The following DGKG variants were observed in gnomAD, a reference collection of about 807,000 sequenced individuals.
DGKG encodes diacylglycerol kinase gamma, also known as DAG kinase gamma.
In DGKG, 78 loss-of-function variants were observed where a neutral mutation model predicts 105.3. The observed-to-expected ratio is 0.74, with a 90% CI of 0.62 to 0.89. The LOEUF is 0.89. DGKG is among the 40% of genes least tolerant of loss of function. The pLI, the probability that DGKG is intolerant of heterozygous loss-of-function variation, is 0.00. For synonymous variants in DGKG, 346 were observed against 367.1 expected (o/e 0.94, Z 0.66); for missense variants, 958 against 1,020.1 (o/e 0.94, Z 0.83).
chr3:186,193,909 T>C (rs562077868), intron 21 of DGKG, among the ~76,000 whole-genome samples: 1 of 152,336 alleles, frequency 6.6e-6, no homozygotes, highest in South Asian at 2.1e-4. Flanking sequence ...GAGGCTGCGC[T>C]GGGCGGAACC....
rs113528224 is a variant in DGKG, at chr3:186,231,120, T to C, written c.1826+11384A>G. Among the ~76,000 whole-genome samples, 342 of 152,356 alleles carry C rather than the reference T, an allele frequency of 2.2e-3. 2 individuals are homozygous for C. The highest frequency in any genetic ancestry group is 7.2e-3 in the African/African-American group (298 of 41,588). Reference sequence around the variant, plus strand: ...AAGAGTAAGGAGGTGCAGTCACTATTTCCTGTTGTGAATCCTTCACACACT... The same window carrying C: ...AAGAGTAAGGAGGTGCAGTCACTATCTCCTGTTGTGAATCCTTCACACACT... On this transcript the variant is annotated intron_variant, in intron 20 of 24. Transcript: ENST00000265022. This position sits in a 1 kb window ranked among gnomAD's most constrained non-coding sequence, Gnocchi z 4.5.
intron 20 of DGKG, among the ~76,000 whole-genome samples, chr3:186,225,140 G>A (rs1163295087): frequency 1.3e-5 from 2 of 151,046 alleles, no homozygotes; most frequent in Non-Finnish European, 2.9e-5. Flanking sequence ...CATTGCCCAG[G>A]CTGGAGTGCA....
At position 186,254,289 on chromosome 3, in the gene DGKG, C is replaced by G. The variant is rs558871482; in HGVS notation, c.1511-1107G>C. Among the ~76,000 whole-genome samples the G allele has an allele frequency of 2.0e-4, 30 of 152,298 alleles. No homozygotes were observed. In the East Asian group the frequency reaches 5.0e-3, roughly 25 times the overall value. On this transcript the variant is annotated intron_variant, in intron 17 of 24. Transcript: ENST00000265022. ...GGGTTGTCCTGGCAAACTGGGAGCT[C>G]ATAGGTCCTCCAGGTTGTCTGACCT...
At chr3:186,245,925 A>T (rs1482491455) in intron 19 of DGKG, among the ~76,000 whole-genome samples, 1 of 150,222 alleles carries the variant, frequency 6.7e-6, no homozygotes, top group African/African-American at 2.5e-5. Context: ...CAAAAAAACA[A>T]CAACAACAAA....
At chr3:186,302,945 G>A (rs1007396397) in intron 3 of DGKG, among the ~76,000 whole-genome samples, 6 of 152,154 alleles carry the variant, frequency 3.9e-5, no homozygotes. Flanking sequence ...GAGTCTCAGA[G>A]GGGACTCAGT....
At chr3:186,348,739 C>T (rs545954686) in intron 1 of DGKG, among the ~76,000 whole-genome samples, 11 of 152,220 alleles carry the variant, frequency 7.2e-5, no homozygotes, top group Non-Finnish European at 1.5e-4. Flanking sequence ...GCATGAGCCA[C>T]GGCACCGGTT....
chr3:186,229,381 C>T (rs779953243), intron 20 of DGKG, among the ~76,000 whole-genome samples: 3 of 151,974 alleles, frequency 2.0e-5, no homozygotes, highest in Non-Finnish European at 4.4e-5. Flanking sequence ...GCTGGGATTA[C>T]AGGTGCCCAC....
At chr3:186,316,071 G>T (rs1198979822) in intron 2 of DGKG, among the ~76,000 whole-genome samples, 2 of 152,232 alleles carry the variant, frequency 1.3e-5, no homozygotes, top group African/African-American at 2.4e-5. Flanking sequence ...TTCCATGAAG[G>T]AACACTAAGG....
chr3:186,165,843 C>T (rs1388066862), intron 22 of DGKG, among the ~76,000 whole-genome samples: 4 of 152,198 alleles, frequency 2.6e-5, no homozygotes, highest in Non-Finnish European at 5.9e-5. Context: ...ACTTTTCCAG[C>T]ACAACTTTCA....
Position 186,203,066 on chromosome 3 carries a change from A to G in DGKG, c.1917+8729T>C, listed in dbSNP as rs934772858. ...TTAGTAAGAAATAAAAAAGAGGGTC[A>G]TTTAAGAAAAAGAAAAAGTTTTATG... On this transcript the variant is annotated intron_variant, in intron 21 of 24. Transcript: ENST00000265022. The surrounding 1 kb of genome is among the most constrained non-coding windows in gnomAD (Gnocchi z 4.9). 7.2e-5 allele frequency among the ~76,000 whole-genome samples: 11 copies of G among 152,228 alleles called. No homozygotes were observed. The highest frequency in any genetic ancestry group is 5.2e-4 in the Admixed American group (8 of 15,280).
intron 17 of DGKG, among the ~76,000 whole-genome samples, chr3:186,256,407 A>G (rs1721475077): frequency 6.6e-6 from 1 of 151,996 alleles, no homozygotes; most frequent in African/African-American, 2.4e-5. Context: ...AGCAAATCGT[A>G]TTGCCTTCAC....
In DGKG at chr3:186,196,142, T is replaced by C. The variant is rs1478961644; in HGVS notation, c.1918-7763A>G. On this transcript the variant is annotated intron_variant, in intron 21 of 24. Coordinates refer to ENST00000265022, the MANE Select transcript of DGKG (RefSeq NM_001346.3). ...ATCTCTCTCTCTTTTTCTTTCTTTT[T>C]TTTTTTTTTTTTTAAGACTGAGTCT... Among the ~76,000 whole-genome samples, 107 of 150,496 alleles carry C rather than the reference T, an allele frequency of 7.1e-4. No individual in the cohort carries two copies. The South Asian group carries it at 8.0e-3, about 11-fold the overall frequency.
At chr3:186,313,519 G>A in intron 2 of DGKG, 1 of 985,336 alleles carries the variant, frequency 1.0e-6, no homozygotes, top group Non-Finnish European at 1.2e-6. Flanking sequence ...TTCAAGTGAA[G>A]GTGGAGGAAT....
At chr3:186,348,745 C>T (rs1036147131) in intron 1 of DGKG, among the ~76,000 whole-genome samples, 1 of 152,104 alleles carries the variant, frequency 6.6e-6, no homozygotes, top group Non-Finnish European at 1.5e-5. Flanking sequence ...GCCACGGCAC[C>T]GGTTGGTTCA....
At chr3:186,334,405 T>C (rs937459049) in intron 1 of DGKG, among the ~76,000 whole-genome samples, 2 of 152,210 alleles carry the variant, frequency 1.3e-5, no homozygotes, top group African/African-American at 2.4e-5. Flanking sequence ...GGGCTGAGTT[T>C]ATGGAAGGCT....
chr3:186,152,959 G>T, intron 24 of DGKG, among the ~76,000 whole-genome samples: 1 of 112,756 alleles, frequency 8.9e-6, no homozygotes, highest in Non-Finnish European at 1.8e-5. Flanking sequence ...GCCGCGCCCG[G>T]CCTTTTTTTT....
chr3:186,208,106 A>G (rs544701684), intron 21 of DGKG, among the ~76,000 whole-genome samples: 253 of 151,852 alleles, frequency 1.7e-3, no homozygotes, highest in African/African-American at 5.7e-3. Context: ...CAGTGGTGCA[A>G]TCTTGGCCCA....
At chr3:186,158,880 C>T in intron 24 of DGKG, 2 of 940,606 alleles carry the variant, frequency 2.1e-6, no homozygotes, top group Non-Finnish European at 2.5e-6. Context: ...TTTACTTATT[C>T]TGCTTTATGC....
At chr3:186,232,627 T>C (rs1720209396) in intron 20 of DGKG, among the ~76,000 whole-genome samples, 1 of 152,192 alleles carries the variant, frequency 6.6e-6, no homozygotes, top group Non-Finnish European at 1.5e-5. Flanking sequence ...ACTTTAACTT[T>C]TCTGAACTTT....
Sources: gnomAD v4.1 joint callset for allele counts (sites outside exome capture counted in the v4.1 genomes callset) on GRCh38, gnomAD v4.1.1 for gene constraint, Gnocchi (gnomAD v3.1) non-coding constraint, MANE v1.5 for transcripts, NCBI Gene and HGNC (gene_info 2026-07-23, HGNC 2026-07-21) for gene names.